AGAP1: variants seen among roughly 807,000 people sequenced by gnomAD.
AGAP1 encodes ArfGAP with GTPase domain, ankyrin repeat and PH domain 1, also known as arf-GAP with GTPase, ANK repeat and PH domain-containing protein 1.
A neutral mutation model predicts 105.3 loss-of-function variants in AGAP1; 29 were observed. The observed-to-expected ratio is 0.28, with a 90% CI of 0.21 to 0.38. The LOEUF (loss-of-function observed/expected upper bound fraction) is 0.38, where lower values mean the gene tolerates loss of function less well. Among genes scored for constraint, AGAP1 ranks in the 10% least tolerant of loss-of-function variants. The probability of loss-of-function intolerance (pLI) is 1.00; values close to 1 mark genes in which losing one functional copy is unlikely to be tolerated. For missense variants in AGAP1, 998 were observed against 1,165.1 expected (o/e 0.86, Z 2.09); for synonymous variants, 509 against 485.9 (o/e 1.05, Z -0.63).
chr2:235,516,070 G>GCTGCTCCTGCTGCTGCTC, intron 1 of AGAP1, among the ~76,000 whole-genome samples: 1 of 141,854 alleles, frequency 7.0e-6, no homozygotes, highest in East Asian at 2.0e-4. Context: ...TGCTGCTGCT[G>GCTGCTCCTGCTGCTGCTC]CTGCTGCTGC....
At chr2:235,894,361 TG>T (rs1485129352) in intron 10 of AGAP1, among the ~76,000 whole-genome samples, 1 of 152,180 alleles carries the variant, frequency 6.6e-6, no homozygotes, top group Non-Finnish European at 1.5e-5. Context: ...TTCGCTTCCC[TG>T]GGAACAGCCA....
At chr2:235,588,133 G>C (rs1210005903) in intron 1 of AGAP1, among the ~76,000 whole-genome samples, 1 of 152,074 alleles carries the variant, frequency 6.6e-6, no homozygotes, top group Non-Finnish European at 1.5e-5. Context: ...GGGAGACTGA[G>C]GCGGGAGAAT....
chr2:235,562,548 C>T (rs772185450), intron 1 of AGAP1, among the ~76,000 whole-genome samples: 12 of 148,992 alleles, frequency 8.1e-5, no homozygotes, highest in East Asian at 6.3e-4. Context: ...CTCTCCTTTC[C>T]GCTGCCCCAT....
At chr2:236,067,760 A>G (rs2058384690) in intron 16 of AGAP1, among the ~76,000 whole-genome samples, 1 of 152,224 alleles carries the variant, frequency 6.6e-6, no homozygotes, top group Non-Finnish European at 1.5e-5. Context: ...CCTTTCCAGT[A>G]TGCCGTGTTC....
At chr2:235,626,698 G>T (rs1946648005) in intron 1 of AGAP1, among the ~76,000 whole-genome samples, 1 of 152,196 alleles carries the variant, frequency 6.6e-6, no homozygotes, top group Non-Finnish European at 1.5e-5. Flanking sequence ...TATTTTCTGA[G>T]GGGCGAAAGT....
chr2:235,511,200 C>T (rs1942092967), intron 1 of AGAP1, among the ~76,000 whole-genome samples: 1 of 151,984 alleles, frequency 6.6e-6, no homozygotes, highest in East Asian at 1.9e-4. Flanking sequence ...CTGAGAGCCC[C>T]AGGTCAGATG....
chr2:235,963,707 T>C lies in AGAP1; in HGVS notation c.1484-4755T>C, dbSNP rs780660806. Among the ~76,000 whole-genome samples the C allele has an allele frequency of 3.9e-5, 6 of 152,194 alleles. No homozygotes were observed. The highest frequency in any genetic ancestry group is 5.9e-5 in the Non-Finnish European group (4 of 68,030). On this transcript the variant is annotated intron_variant, in intron 12 of 17. Transcript: ENST00000304032. This position sits in a 1 kb window ranked among gnomAD's most constrained non-coding sequence, Gnocchi z 5.1. The stretch of plus-strand genomic sequence containing the variant: ...GGGAAGCTCTATCTTGACTCCACCC[T>C]GTTCACCATCTTTTTCATTGATGTG...
At position 235,625,054 on chromosome 2, in the gene AGAP1, A is replaced by G. The variant is rs1946596148; in HGVS notation, c.164-84125A>G. 6.6e-6 allele frequency among the ~76,000 whole-genome samples: 1 copy of G among 152,180 alleles called. No homozygotes were observed. Among genetic ancestry groups the G allele is most frequent in the Non-Finnish European group, 1.5e-5 (1 of 68,040 alleles). On this transcript the variant is annotated intron_variant, in intron 1 of 17. Transcript: ENST00000304032. The surrounding 1 kb of genome is among the most constrained non-coding windows in gnomAD (Gnocchi z 4.0). ...ACCGTGTGCCAATTAAACTTCTTTT[A>G]TTAATTACCCAGCCTCAGATATTCC...
At position 236,087,772 on chromosome 2, in the gene AGAP1, C is replaced by T. The variant is rs1040672435; in HGVS notation, c.2115-32420C>T. 2.0e-5 allele frequency among the ~76,000 whole-genome samples: 3 copies of T among 152,158 alleles called. No homozygotes were observed. Among genetic ancestry groups the T allele is most frequent in the Non-Finnish European group, 2.9e-5 (2 of 68,034 alleles). Reference sequence around the variant, plus strand: ...CATGAAGCACCAAATAAGAAGTTGGCGTCCATTAAACTAGATTGATTATTT... The same window carrying T: ...CATGAAGCACCAAATAAGAAGTTGGTGTCCATTAAACTAGATTGATTATTT... On this transcript the variant is annotated intron_variant, in intron 16 of 17. Coordinates refer to ENST00000304032, the MANE Select transcript of AGAP1 (RefSeq NM_001037131.3). The surrounding 1 kb of genome is among the most constrained non-coding windows in gnomAD (Gnocchi z 5.7).
rs576465168 is a variant in AGAP1, at chr2:235,879,235, G to C, written c.1051-4110G>C. On this transcript the variant is annotated intron_variant, in intron 9 of 17. Coordinates refer to ENST00000304032, the MANE Select transcript of AGAP1 (RefSeq NM_001037131.3). The surrounding 1 kb of genome is among the most constrained non-coding windows in gnomAD (Gnocchi z 5.0). Reference sequence around the variant, plus strand: ...GGGGAGCAGGGGACATGACTGCACAGCCGGGCTGAGCATGGGGTAGTGCTC... The same window carrying C: ...GGGGAGCAGGGGACATGACTGCACACCCGGGCTGAGCATGGGGTAGTGCTC... 1.3e-5 allele frequency among the ~76,000 whole-genome samples: 2 copies of C among 152,314 alleles called. No individual in the cohort carries two copies. The highest frequency in any genetic ancestry group is 6.5e-5 in the Admixed American group (1 of 15,310).
intron 11 of AGAP1, among the ~76,000 whole-genome samples, chr2:235,915,816 A>G (rs1319879708): frequency 2.0e-5 from 3 of 152,364 alleles, no homozygotes. Context: ...AGAAGAATAT[A>G]TGCTAGAAGC....
chr2:235,505,874 A>G (rs892782771), intron 1 of AGAP1: 5 of 149,918 alleles, frequency 3.3e-5, no homozygotes, highest in East Asian at 2.0e-4. Flanking sequence ...TGGACGGTCT[A>G]CTACTGATTA....
chr2:236,093,757 A>G (rs527309882), intron 16 of AGAP1, among the ~76,000 whole-genome samples: 2 of 152,352 alleles, frequency 1.3e-5, no homozygotes, highest in East Asian at 3.9e-4. Flanking sequence ...CCCAAACACC[A>G]TAATCCCAAG....
intron 16 of AGAP1, among the ~76,000 whole-genome samples, chr2:236,069,701 G>A (rs983814816): frequency 2.6e-5 from 4 of 152,206 alleles, no homozygotes; most frequent in Non-Finnish European, 4.4e-5. Context: ...TGGGATTACC[G>A]GAGTGAGCCA....
At chr2:236,060,743 A>G (rs570788802) in intron 16 of AGAP1, among the ~76,000 whole-genome samples, 1 of 152,192 alleles carries the variant, frequency 6.6e-6, no homozygotes, top group African/African-American at 2.4e-5. Context: ...AAACTCAACA[A>G]TAGAAGGTAG....
intron 9 of AGAP1, among the ~76,000 whole-genome samples, chr2:235,831,999 A>G (rs148315718): frequency 6.6e-6 from 1 of 152,320 alleles, no homozygotes; most frequent in Non-Finnish European, 1.5e-5. Context: ...GACTTTGGCC[A>G]TTCTAATGTG....
intron 11 of AGAP1, among the ~76,000 whole-genome samples, chr2:235,918,873 A>G (rs979324272): frequency 6.6e-6 from 1 of 152,136 alleles, no homozygotes; most frequent in Non-Finnish European, 1.5e-5. Flanking sequence ...TTTGAACTCT[A>G]AGTGGAGTGT....
At chr2:235,742,303 A>T (rs1331780000) in intron 4 of AGAP1, among the ~76,000 whole-genome samples, 2 of 152,040 alleles carry the variant, frequency 1.3e-5, no homozygotes, top group East Asian at 3.9e-4. Context: ...TGTTGCATTG[A>T]CTCTGACCAT....
At chr2:235,902,590 T>C (rs906128407) in intron 10 of AGAP1, among the ~76,000 whole-genome samples, 2 of 152,224 alleles carry the variant, frequency 1.3e-5, no homozygotes, top group African/African-American at 2.4e-5. Flanking sequence ...GAAAAGTTGC[T>C]AAGTCTTTGG....
Sources: gnomAD v4.1 joint callset for allele counts (sites outside exome capture counted in the v4.1 genomes callset) on GRCh38, gnomAD v4.1.1 for gene constraint, Gnocchi (gnomAD v3.1) non-coding constraint, MANE v1.5 for transcripts, NCBI Gene and HGNC (gene_info 2026-07-23, HGNC 2026-07-21) for gene names.